Variants in VEGFC observed in about 807,000 individuals in gnomAD.
VEGFC encodes the protein vascular endothelial growth factor C.
A neutral mutation model predicts 46.1 loss-of-function variants in VEGFC; 12 were observed. The observed-to-expected ratio is 0.26, with a 90% confidence interval of 0.17 to 0.42. The LOEUF (loss-of-function observed/expected upper bound fraction) is 0.42, where lower values mean the gene tolerates loss of function less well. Ranked by LOEUF, VEGFC falls within the 10% of genes least tolerant of loss-of-function variation. The pLI, the probability that VEGFC is intolerant of heterozygous loss-of-function variation, is 1.00. For synonymous variants in VEGFC, 232 were observed against 195.5 expected, an observed-to-expected ratio of 1.19 and a Z score of -1.56; for missense variants, 488 against 529.4, an observed-to-expected ratio of 0.92 and a Z score of 0.77.
rs1473225423 is a variant in VEGFC, at chr4:176,792,235, G to A, written c.77C>T (p.Pro26Leu). 1.3e-6 allele frequency: 2 copies of A among 1,557,678 alleles called. No individual in the cohort carries two copies. ...AALLPGPREA[P>L]AAAAAFESGL... Reference sequence around the variant, plus strand: ...GGACTCGAAGGCGGCGGCGGCGGCGGGCGCCTCGCGAGGACCCGGGAGCAG... The same window carrying A: ...GGACTCGAAGGCGGCGGCGGCGGCGAGCGCCTCGCGAGGACCCGGGAGCAG... Residue 26 changes from proline to leucine, a missense_variant, in exon 1 of 7, where the codon CCC (proline) becomes CTC (leucine). Transcript: ENST00000618562. The surrounding 1 kb of genome is among the most constrained non-coding windows in gnomAD (Gnocchi z 6.3).
In VEGFC at chr4:176,729,561, T is replaced by C. The variant is rs1297749973; in HGVS notation, c.333A>G (p.Ala111=). Residue 111 remains alanine (A), a synonymous_variant, in exon 2 of 7, where the codon GCA becomes GCG. Coordinates refer to ENST00000618562, the MANE Select transcript of VEGFC (RefSeq NM_005429.5). ...SRTEETIKFA[A]AHYNTEILKS... is the part of the protein sequence containing the mutation. ...TCAAGATCTCTGTATTATAATGTGC[T>C]GCAGCAAATTTTATAGTCTCTTCTG... 1 of 1,613,530 alleles carries C rather than the reference T, an allele frequency of 6.2e-7. No individual in the cohort carries two copies. The highest frequency in any genetic ancestry group is 8.5e-7 in the Non-Finnish European group (1 of 1,179,846).
At chr4:176,777,974 T>C (rs1409936616) in intron 1 of VEGFC, among the ~76,000 whole-genome samples, 2 of 147,054 alleles carry the variant, frequency 1.4e-5, no homozygotes, top group Admixed American at 6.8e-5. Flanking sequence ...ATGTAGAGGA[T>C]CTATTTTATA....
chr4:176,758,350 A>G (rs1241444452), intron 1 of VEGFC, among the ~76,000 whole-genome samples: 4 of 152,138 alleles, frequency 2.6e-5, no homozygotes, highest in Non-Finnish European at 5.9e-5. Flanking sequence ...CACTTCAGTC[A>G]CCTCACCGAT....
chr4:176,702,505 C>T (rs1276435665), intron 4 of VEGFC, among the ~76,000 whole-genome samples: 3 of 152,126 alleles, frequency 2.0e-5, no homozygotes, highest in East Asian at 1.9e-4. Flanking sequence ...ACAACCTCTG[C>T]TCCCCTAATA....
intron 3 of VEGFC, among the ~76,000 whole-genome samples, chr4:176,720,298 T>C (rs1734762142): frequency 6.6e-6 from 1 of 152,114 alleles, no homozygotes; most frequent in Non-Finnish European, 1.5e-5. Context: ...CCCAAATCTA[T>C]ATTTAAAGAC....
intron 1 of VEGFC, among the ~76,000 whole-genome samples, chr4:176,782,394 G>A (rs1735932004): frequency 6.6e-6 from 1 of 151,926 alleles, no homozygotes; most frequent in Non-Finnish European, 1.5e-5. Context: ...AGTACAGGAG[G>A]CGGAGGCTGC....
At chr4:176,710,417 C>T (rs1734602361) in intron 4 of VEGFC, among the ~76,000 whole-genome samples, 1 of 152,096 alleles carries the variant, frequency 6.6e-6, no homozygotes, top group African/African-American at 2.4e-5. Flanking sequence ...TGCTTTCTCA[C>T]ATAAAAGGGG....
chr4:176,765,137 T>G (rs1238668466), intron 1 of VEGFC, among the ~76,000 whole-genome samples: 2 of 152,100 alleles, frequency 1.3e-5, no homozygotes, highest in Non-Finnish European at 2.9e-5. Flanking sequence ...TAGAATTTAT[T>G]TTACAAAACA....
chr4:176,776,052 A>G (rs1560963839), intron 1 of VEGFC, among the ~76,000 whole-genome samples: 1 of 152,222 alleles, frequency 6.6e-6, no homozygotes, highest in Non-Finnish European at 1.5e-5. Context: ...TAGGTTATAA[A>G]CACACAAATT....
chr4:176,741,902 T>C (rs1378390534), intron 1 of VEGFC, among the ~76,000 whole-genome samples: 1 of 152,016 alleles, frequency 6.6e-6, no homozygotes, highest in East Asian at 1.9e-4. Flanking sequence ...AGCACATAAT[T>C]TAAGAGGAAA....
intron 4 of VEGFC, among the ~76,000 whole-genome samples, chr4:176,690,576 T>C (rs550169617): frequency 4.1e-4 from 62 of 152,278 alleles, no homozygotes; most frequent in African/African-American, 1.4e-3. Flanking sequence ...CATGAACATA[T>C]ATTGTTCTAG....
intron 3 of VEGFC, among the ~76,000 whole-genome samples, chr4:176,716,377 G>A (rs1734698121): frequency 6.6e-6 from 1 of 151,818 alleles, no homozygotes; most frequent in Non-Finnish European, 1.5e-5. Flanking sequence ...AGGAGTTCAA[G>A]ACCAGCCGGC....
At chr4:176,740,938 G>A (rs13122901) in intron 1 of VEGFC, among the ~76,000 whole-genome samples, 116,463 of 151,776 alleles carry the variant, frequency 0.77, 47,429 homozygotes, top group East Asian at 0.93. Flanking sequence ...CGTTATCATC[G>A]ATTAGTTAAC....
At chr4:176,743,966 A>G (rs1336842727) in intron 1 of VEGFC, among the ~76,000 whole-genome samples, 1 of 152,012 alleles carries the variant, frequency 6.6e-6, no homozygotes, top group Non-Finnish European at 1.5e-5. Flanking sequence ...CATCATTCCA[A>G]AAGGGAACAA....
At chr4:176,735,557 T>C (rs911846202) in intron 1 of VEGFC, among the ~76,000 whole-genome samples, 2 of 151,954 alleles carry the variant, frequency 1.3e-5, no homozygotes, top group Non-Finnish European at 2.9e-5. Flanking sequence ...ACAGAGGCTC[T>C]TAGAGGAAAT....
At chr4:176,695,606 G>C (rs1296435319) in intron 4 of VEGFC, among the ~76,000 whole-genome samples, 2 of 151,870 alleles carry the variant, frequency 1.3e-5, no homozygotes, top group Non-Finnish European at 2.9e-5. Flanking sequence ...AGAAAAAGAG[G>C]GAATCCTCCC....
chr4:176,733,405 G>A (rs1392596871), intron 1 of VEGFC, among the ~76,000 whole-genome samples: 1 of 151,960 alleles, frequency 6.6e-6, no homozygotes, highest in Non-Finnish European at 1.5e-5. Flanking sequence ...GTACATTCAT[G>A]TAATGGAATA....
In VEGFC at chr4:176,726,648, T is replaced by C. The variant is rs967341711; in HGVS notation, c.552+1130A>G. On this transcript the variant is annotated intron_variant, in intron 3 of 6. Coordinates refer to ENST00000618562, the MANE Select transcript of VEGFC (RefSeq NM_005429.5). ...CCAAATGATCGTAACAGTAAAAATT[T>C]TGGAAATATTCAGCTAGCTGAAAAA... Among the ~76,000 whole-genome samples the C allele has an allele frequency of 2.0e-5, 3 of 152,152 alleles. No individual in the cohort carries two copies. The East Asian group carries it at 5.8e-4, about 29-fold the overall frequency.
intron 4 of VEGFC, among the ~76,000 whole-genome samples, chr4:176,697,886 C>CA (rs1353665034): frequency 4.7e-5 from 7 of 149,776 alleles, no homozygotes; most frequent in Non-Finnish European, 8.8e-5. Flanking sequence ...ATCACAAGAA[C>CA]AAAAAACCAA....
Sources: allele counts gnomAD v4.1 joint callset (sites outside exome capture counted in the v4.1 genomes callset), GRCh38; gene constraint gnomAD v4.1.1; non-coding constraint Gnocchi (gnomAD v3.1); transcripts MANE v1.5; gene names NCBI Gene and HGNC (gene_info 2026-07-23, HGNC 2026-07-21).